The following CNTNAP5 variants were observed in gnomAD, a reference collection of about 807,000 sequenced individuals.
The protein encoded by CNTNAP5 is contactin-associated protein-like 5.
A neutral mutation model predicts 150.2 loss-of-function variants in CNTNAP5; 72 were observed. The observed-to-expected ratio is 0.48, with a 90% confidence interval of 0.40 to 0.58. CNTNAP5 has a LOEUF of 0.58. Ranked by LOEUF, CNTNAP5 falls within the 20% of genes least tolerant of loss-of-function variation. The pLI, the probability that CNTNAP5 is intolerant of heterozygous loss-of-function variation, is 0.00. For missense variants in CNTNAP5, 1,636 were observed against 1,626.2 expected (o/e 1.01, Z -0.10); for synonymous variants, 672 against 619.8 (o/e 1.08, Z -1.25).
At chr2:124,385,609 C>T (rs1028470257) in intron 3 of CNTNAP5, among the ~76,000 whole-genome samples, 1 of 152,194 alleles carries the variant, frequency 6.6e-6, no homozygotes, top group African/African-American at 2.4e-5. Context: ...GGCACAGAAA[C>T]ATATTTTTTG....
intron 11 of CNTNAP5, among the ~76,000 whole-genome samples, chr2:124,581,965 C>G (rs748296910): frequency 6.6e-6 from 1 of 152,122 alleles, no homozygotes; most frequent in African/African-American, 2.4e-5. Context: ...TTCACAAACA[C>G]GGAGGCAGGG....
intron 19 of CNTNAP5, among the ~76,000 whole-genome samples, 156 bp from the exon 20 acceptor site, chr2:124,865,150 G>C (rs1318431984): frequency 6.6e-6 from 1 of 151,276 alleles, no homozygotes; most frequent in Non-Finnish European, 1.5e-5. Flanking sequence ...TTTTCTTTAG[G>C]GACCCTGATA....
At chr2:124,713,308 CTCTTTCTTTCCTTTCTTTCTTTCTT>C (rs1679865104) in intron 13 of CNTNAP5, among the ~76,000 whole-genome samples, 8 of 57,416 alleles carry the variant, frequency 1.4e-4, no homozygotes, top group African/African-American at 3.8e-4. Context: ...TTTCTTCTTT[CTCTTTCTTTCCTTTCTTTCTTTCTT>C]TCTTTCTTTC....
At chr2:124,453,214 G>T (rs1051875790) in intron 6 of CNTNAP5, among the ~76,000 whole-genome samples, 2 of 152,062 alleles carry the variant, frequency 1.3e-5, no homozygotes, top group African/African-American at 4.8e-5. Context: ...ATCAACAGAT[G>T]CACTTAAAGA....
chr2:124,528,123 T>G (rs2104891260), intron 10 of CNTNAP5, among the ~76,000 whole-genome samples: 1 of 152,316 alleles, frequency 6.6e-6, no homozygotes, highest in East Asian at 1.9e-4. Flanking sequence ...CTCCAGAGCC[T>G]ACCTCCTTCA....
At chr2:124,403,898 G>A (rs187927412) in intron 3 of CNTNAP5, among the ~76,000 whole-genome samples, 1 of 152,240 alleles carries the variant, frequency 6.6e-6, no homozygotes, top group Non-Finnish European at 1.5e-5. Context: ...CATGTGCAGG[G>A]GAACTGCCCT....
At chr2:124,547,652 G>T (rs769396330) in intron 10 of CNTNAP5, among the ~76,000 whole-genome samples, 2 of 152,182 alleles carry the variant, frequency 1.3e-5, no homozygotes, top group Non-Finnish European at 2.9e-5. Context: ...GCTTGCCTTG[G>T]CCAGGGTGGC....
At chr2:124,196,690 T>C (rs1243836114) in intron 1 of CNTNAP5, among the ~76,000 whole-genome samples, 1 of 152,204 alleles carries the variant, frequency 6.6e-6, no homozygotes, top group Non-Finnish European at 1.5e-5. Flanking sequence ...AATAGGTTCA[T>C]TTTTAAAAGA....
rs759054995 is a variant in CNTNAP5 at position 124,474,779 on chromosome 2, C to A, written c.959C>A (p.Thr320Asn). Reference protein sequence around the residue: ...GGIPVPGKPGTFLKKNFHGCI... With the variant: ...GGIPVPGKPGNFLKKNFHGCI... ...ATTCCAGTACCAGGAAAACCTGGGA[C>A]CTTTTTAAAGAAAAACTTCCATGGA... The change falls in exon 7 of 24, where the codon ACC becomes AAC. Residue 320 changes from threonine (T) to asparagine (N), a missense_variant. By Grantham distance (65) the Thr-to-Asn change is moderately conservative. Coordinates refer to ENST00000682447, the MANE Select transcript of CNTNAP5 (RefSeq NM_001367498.1). 5.0e-6 allele frequency: 8 copies of A among 1,598,782 alleles called. No homozygotes were observed. Among genetic ancestry groups the A allele is most frequent in the Non-Finnish European group, 5.1e-6 (6 of 1,173,956 alleles).
intron 19 of CNTNAP5, among the ~76,000 whole-genome samples, chr2:124,805,253 A>G (rs1682057282): frequency 6.6e-6 from 1 of 152,150 alleles, no homozygotes; most frequent in African/African-American, 2.4e-5. Flanking sequence ...GACTTTCTCA[A>G]TTGCCCCCTG....
chr2:124,128,497 G>A (rs902437335), intron 1 of CNTNAP5, among the ~76,000 whole-genome samples: 6 of 152,222 alleles, frequency 3.9e-5, no homozygotes, highest in African/African-American at 1.2e-4. Context: ...GTGGAAGACA[G>A]TGTGGCGATT....
chr2:124,150,702 C>T (rs1684385428), intron 1 of CNTNAP5, among the ~76,000 whole-genome samples: 1 of 151,954 alleles, frequency 6.6e-6, no homozygotes. Flanking sequence ...AGAGAACAAG[C>T]TGTCTCTTGT....
chr2:124,378,564 G>A (rs1334197779), intron 3 of CNTNAP5, among the ~76,000 whole-genome samples: 1 of 151,820 alleles, frequency 6.6e-6, no homozygotes, highest in Non-Finnish European at 1.5e-5. Context: ...ACATTGTATG[G>A]TCTTACCCGT....
At position 124,527,493 on chromosome 2, in the gene CNTNAP5, C is replaced by T. The variant is rs80173284; in HGVS notation, c.1649+37C>T. The T allele has an allele frequency of 8.2e-4, 1,243 of 1,523,006 alleles. 7 individuals are homozygous for T. In the African/African-American group the frequency reaches 0.015, roughly 19 times the overall value. The allele number at this position is 1,523,006 out of a possible 1,614,324, so 94.3% of individuals were successfully genotyped here. On this transcript the variant is annotated intron_variant, in intron 10 of 23. Transcript: ENST00000682447. ...CTCTTCTCCTCTGTTCTGCCACCCC[C>T]TTCCCATTCTTACTGTTCTAAATAT...
At chr2:124,757,240 A>C (rs932647345) in intron 14 of CNTNAP5, among the ~76,000 whole-genome samples, 1 of 152,210 alleles carries the variant, frequency 6.6e-6, no homozygotes. Flanking sequence ...AAGGTGATCC[A>C]TGGGTAATCT....
At chr2:124,204,847 A>G (rs997824678) in intron 1 of CNTNAP5, among the ~76,000 whole-genome samples, 1 of 152,122 alleles carries the variant, frequency 6.6e-6, no homozygotes, top group African/African-American at 2.4e-5. Context: ...ATGGGGACAC[A>G]GCCAAACCAT....
At chr2:124,493,572 C>A (rs1298627740) in intron 7 of CNTNAP5, among the ~76,000 whole-genome samples, 1 of 152,040 alleles carries the variant, frequency 6.6e-6, no homozygotes, top group Non-Finnish European at 1.5e-5. Flanking sequence ...AATCTCCTGA[C>A]CTCGTGATCC....
chr2:124,084,924 G>T (rs374797213), intron 1 of CNTNAP5, among the ~76,000 whole-genome samples: 965 of 89,678 alleles, frequency 0.011, 19 homozygotes, highest in Middle Eastern at 0.016. Flanking sequence ...CAAGTTTCCT[G>T]TTTTTTTTTT....
chr2:124,718,227 T>C (rs1679983290), intron 13 of CNTNAP5, among the ~76,000 whole-genome samples: 1 of 152,176 alleles, frequency 6.6e-6, no homozygotes, highest in Non-Finnish European at 1.5e-5. Flanking sequence ...AAAGATAAAG[T>C]ATTATTATTC....
Sources: allele counts gnomAD v4.1 joint callset (sites outside exome capture counted in the v4.1 genomes callset), GRCh38; gene constraint gnomAD v4.1.1; transcripts MANE v1.5; gene names NCBI Gene and HGNC (gene_info 2026-07-23, HGNC 2026-07-21).